LRRC1: variants seen among roughly 807,000 people sequenced by gnomAD.
LRRC1 encodes leucine-rich repeat-containing protein 1.
In LRRC1, 28 loss-of-function variants were observed where a neutral mutation model predicts 69.9. The observed-to-expected ratio is 0.40, with a 90% confidence interval of 0.30 to 0.55. The LOEUF is 0.55. Ranked by LOEUF, LRRC1 falls within the 20% of genes least tolerant of loss-of-function variation. LRRC1 has a pLI of 0.47. For synonymous variants in LRRC1, 236 were observed against 240.2 expected (o/e 0.98, Z 0.16); for missense variants, 498 against 609.0 (o/e 0.82, Z 1.92).
At chr6:53,866,991 C>T (rs190516134) in intron 2 of LRRC1, among the ~76,000 whole-genome samples, 5 of 151,862 alleles carry the variant, frequency 3.3e-5, no homozygotes, top group Admixed American at 2.0e-4. Flanking sequence ...AGGTGGCACG[C>T]GTCTCTTCAC....
At chr6:53,813,709 C>T (rs1764868522) in intron 1 of LRRC1, among the ~76,000 whole-genome samples, 4 of 152,102 alleles carry the variant, frequency 2.6e-5, no homozygotes, top group Non-Finnish European at 5.9e-5. Flanking sequence ...CCTGTTTGCA[C>T]CCTCTGACCT....
At chr6:53,896,693 A>G (rs1562064718) in intron 5 of LRRC1, 136 bp from the exon 6 acceptor site, 9 of 995,374 alleles carry the variant, frequency 9.0e-6, no homozygotes, top group African/African-American at 1.6e-5. Context: ...TTTCTTAACA[A>G]TCCTTCCTGT....
At chr6:53,905,821 A>G (rs1768215878) in intron 10 of LRRC1, among the ~76,000 whole-genome samples, 1 of 152,206 alleles carries the variant, frequency 6.6e-6, no homozygotes, top group African/African-American at 2.4e-5. Context: ...CCTTAATATG[A>G]ACACTGTCAT....
intron 1 of LRRC1, among the ~76,000 whole-genome samples, chr6:53,803,579 T>G (rs1764553525): frequency 6.9e-6 from 1 of 145,798 alleles, no homozygotes; most frequent in Admixed American, 6.8e-5. Flanking sequence ...TAATAGAGTG[T>G]GTGTGTGTAT....
At chr6:53,879,390 A>G (rs1767187305) in intron 3 of LRRC1, among the ~76,000 whole-genome samples, 1 of 152,134 alleles carries the variant, frequency 6.6e-6, no homozygotes. Context: ...GGTTCAAGTG[A>G]TTCTCCTGCC....
rs576609771 is a variant in LRRC1, at chr6:53,837,867, AG to A, written c.160-4242del. ...ACTAAAAGCAATGGTGGCTCTAAGA[AG>A]ATGGGTGTAGCATAACAACCCGAGG... On this transcript the variant is annotated intron_variant, in intron 1 of 13. Coordinates refer to ENST00000370888, the MANE Select transcript of LRRC1 (RefSeq NM_018214.5). Among the ~76,000 whole-genome samples the A allele has an allele frequency of 3.5e-3, 527 of 152,366 alleles. 2 individuals are homozygous for A. The highest frequency in any genetic ancestry group is 0.012 in the African/African-American group (485 of 41,592).
chr6:53,823,024 C>T (rs1210934196), intron 1 of LRRC1, among the ~76,000 whole-genome samples: 7 of 152,162 alleles, frequency 4.6e-5, no homozygotes, highest in African/African-American at 1.4e-4. Flanking sequence ...TATTTGGACA[C>T]ATCTCCCAAC....
At chr6:53,808,981 G>C (rs1764713481) in intron 1 of LRRC1, among the ~76,000 whole-genome samples, 1 of 152,156 alleles carries the variant, frequency 6.6e-6, no homozygotes, top group Admixed American at 6.5e-5. Context: ...CTTTGGTGCT[G>C]GATTTCCTAC....
At chr6:53,911,836 T>A (rs564927769) in intron 10 of LRRC1, among the ~76,000 whole-genome samples, 1 of 152,352 alleles carries the variant, frequency 6.6e-6, no homozygotes, top group East Asian at 1.9e-4. Context: ...GGGTTTTGAT[T>A]GCTTTCCTTC....
intron 1 of LRRC1, among the ~76,000 whole-genome samples, chr6:53,839,795 T>C (rs1406063950): frequency 4.6e-5 from 7 of 152,220 alleles, no homozygotes; most frequent in African/African-American, 1.4e-4. Flanking sequence ...TCTTTCACTT[T>C]ATATTTTCCC....
intron 2 of LRRC1, among the ~76,000 whole-genome samples, chr6:53,873,289 CTTTT>C (rs57201410): frequency 7.3e-6 from 1 of 136,804 alleles, no homozygotes. Flanking sequence ...ACCGATTTTT[CTTTT>C]TTTTTTTTTT....
intron 4 of LRRC1, among the ~76,000 whole-genome samples, chr6:53,883,703 C>T (rs1767374738): frequency 6.6e-6 from 1 of 152,120 alleles, no homozygotes; most frequent in Admixed American, 6.5e-5. Context: ...CATGGTTAAC[C>T]ACTTAAAAAT....
chr6:53,899,955 A>G, intron 8 of LRRC1, 64 bp downstream of exon 8: 1 of 1,490,206 alleles, frequency 6.7e-7, no homozygotes. Flanking sequence ...GGTTTGGGGC[A>G]CACTTTGATC....
intron 1 of LRRC1, among the ~76,000 whole-genome samples, chr6:53,819,341 T>TAGGAGG (rs1267920623): frequency 6.6e-6 from 1 of 152,096 alleles, no homozygotes; most frequent in Non-Finnish European, 1.5e-5. Context: ...CAGGTAGAAC[T>TAGGAGG]AGGAGGAGGA....
intron 1 of LRRC1, among the ~76,000 whole-genome samples, chr6:53,823,567 G>A (rs1006316586): frequency 2.6e-5 from 4 of 152,090 alleles, no homozygotes; most frequent in African/African-American, 4.8e-5. Context: ...CTCGTGTCAC[G>A]GGGGTTTGTT....
Position 53,874,024 on chromosome 6 carries a change from A to G in LRRC1, c.278-4969A>G, listed in dbSNP as rs1353802042. On this transcript the variant is annotated intron_variant, in intron 2 of 13. Coordinates refer to ENST00000370888, the MANE Select transcript of LRRC1 (RefSeq NM_018214.5). ...TGACCAGCACTTTTCAGACCATGGC[A>G]AGCCAATGGCATGGCGCGGCCTTGC... is the stretch of plus-strand genomic sequence containing the variant. Among the ~76,000 whole-genome samples, 3 of 152,204 alleles carry G rather than the reference A, an allele frequency of 2.0e-5. No homozygotes were observed. The East Asian group carries it at 5.8e-4, about 29-fold the overall frequency.
At chr6:53,847,593 T>G (rs1262648963) in intron 2 of LRRC1, among the ~76,000 whole-genome samples, 4 of 152,236 alleles carry the variant, frequency 2.6e-5, no homozygotes, top group African/African-American at 9.6e-5. Flanking sequence ...AGGACAGCAC[T>G]GCAGACTAAG....
At chr6:53,816,785 C>T (rs1340302579) in intron 1 of LRRC1, among the ~76,000 whole-genome samples, 1 of 152,188 alleles carries the variant, frequency 6.6e-6, no homozygotes, top group African/African-American at 2.4e-5. Flanking sequence ...TTTCTGATTC[C>T]TCTGCAACTT....
intron 4 of LRRC1, among the ~76,000 whole-genome samples, chr6:53,892,763 T>C (rs982855163): frequency 6.6e-6 from 1 of 152,228 alleles, no homozygotes; most frequent in African/African-American, 2.4e-5. Context: ...GAGAACCATG[T>C]TCTGGAGTGG....
Sources: gnomAD v4.1 joint callset for allele counts (sites outside exome capture counted in the v4.1 genomes callset) on GRCh38, gnomAD v4.1.1 for gene constraint, MANE v1.5 for transcripts, NCBI Gene and HGNC (gene_info 2026-07-23, HGNC 2026-07-21) for gene names.